NNT: variants seen among roughly 807,000 people sequenced by gnomAD.
NNT encodes the protein NAD(P) transhydrogenase, mitochondrial.
In NNT, 50 loss-of-function variants were observed where a neutral mutation model predicts 104.8. The ratio of observed to expected loss-of-function variants is 0.48; its 90% confidence interval spans 0.38 to 0.60. The LOEUF is 0.60. Ranked by LOEUF, NNT falls within the 20% of genes least tolerant of loss-of-function variation. NNT has a pLI of 0.00. For missense variants in NNT, 1,131 were observed against 1,330.7 expected, an observed-to-expected ratio of 0.85 and a Z score of 2.33; for synonymous variants, 461 against 490.4, an observed-to-expected ratio of 0.94 and a Z score of 0.79.
intron 2 of NNT, 26 bp from the exon 3 acceptor site, chr5:43,612,881 AT>A (rs765058789): frequency 4.2e-4 from 562 of 1,347,000 alleles, no homozygotes; most frequent in East Asian, 2.2e-3. Flanking sequence ...CCAAATATAT[AT>A]TTTTTTTGCC....
At position 43,705,813 on chromosome 5, in the gene NNT, A is replaced by G. The variant is rs1743078995; in HGVS notation, c.*1409A>G. 1 of 151,866 alleles carries G rather than the reference A, an allele frequency of 6.6e-6. No individual in the cohort carries two copies. Among genetic ancestry groups the G allele is most frequent in the Non-Finnish European group, 1.5e-5 (1 of 67,914 alleles). The allele number at this position is 151,866 out of a possible 1,614,324, so 9.4% of individuals were successfully genotyped here. A position where few individuals can be genotyped will look rare whatever the true frequency, so the allele number is the denominator to read the frequency against. The stretch of plus-strand genomic sequence containing the variant: ...TGTGCGTTTGTGTGTTAAAGCAGAA[A>G]AGACTTTTTTAAAAGTTTTAAGTGA... On this transcript the variant is annotated 3_prime_UTR_variant, in exon 22 of 22. Transcript: ENST00000344920.
chr5:43,697,063 A>G (rs1742594542), intron 19 of NNT, among the ~76,000 whole-genome samples: 1 of 152,218 alleles, frequency 6.6e-6, no homozygotes, highest in African/African-American at 2.4e-5. Flanking sequence ...ATTTCTCCTC[A>G]GAAAATGGGA....
At chr5:43,607,065 A>G (rs1405659137) in intron 1 of NNT, among the ~76,000 whole-genome samples, 9 of 151,228 alleles carry the variant, frequency 6.0e-5, no homozygotes, top group Admixed American at 4.6e-4. Flanking sequence ...GTGTAGTGGC[A>G]TGATCTCGGC....
rs1213402664 is a variant in NNT at position 43,700,249 on chromosome 5, G to A, written c.2995+12G>A. The A allele has an allele frequency of 3.2e-6, 5 of 1,577,660 alleles. No homozygotes were observed. The highest frequency in any genetic ancestry group is 4.4e-6 in the Non-Finnish European group (5 of 1,148,244). The stretch of plus-strand genomic sequence containing the variant: ...CCATGATTTTCCAGGTAAGTGGTGG[G>A]GGCAATTGTGAAGTTTAAATATTCT... On this transcript the variant is annotated intron_variant, in intron 20 of 21. Transcript: ENST00000344920.
chr5:43,609,358 C>T lies in NNT; in HGVS notation c.151+12C>T, dbSNP rs746531939. 4.3e-6 allele frequency: 7 copies of T among 1,611,992 alleles called. No individual in the cohort carries two copies. Among genetic ancestry groups the T allele is most frequent in the Non-Finnish European group, 5.9e-6 (7 of 1,178,970 alleles). On this transcript the variant is annotated intron_variant, in intron 2 of 21. Coordinates refer to ENST00000344920, the MANE Select transcript of NNT (RefSeq NM_182977.3). ...GCCTGTAAAACCAGGTAAAGTCTCA[C>T]TTCAGTGATTGTAAATGAAACCTTC...
intron 3 of NNT, among the ~76,000 whole-genome samples, chr5:43,614,747 A>G (rs1465708540): frequency 6.6e-6 from 1 of 152,262 alleles, no homozygotes; most frequent in Admixed American, 6.5e-5. Flanking sequence ...CTAACTAGGA[A>G]CTAATGAAAT....
chr5:43,664,483 A>G (rs1274900808), intron 17 of NNT, among the ~76,000 whole-genome samples: 1 of 152,188 alleles, frequency 6.6e-6, no homozygotes, highest in African/African-American at 2.4e-5. Flanking sequence ...AATGGTATAT[A>G]TGTTATTATT....
chr5:43,648,239 T>C (rs964784067), intron 10 of NNT: 2 of 1,044,604 alleles, frequency 1.9e-6, no homozygotes, highest in Non-Finnish European at 2.3e-6. Context: ...AAAATTAATG[T>C]CAATCCCTAG....
chr5:43,672,078 G>A (rs1280023081), intron 17 of NNT, among the ~76,000 whole-genome samples: 9 of 152,116 alleles, frequency 5.9e-5, no homozygotes, highest in African/African-American at 1.9e-4. Context: ...GATCGAATTG[G>A]CTACTGAAAC....
rs181937214 is a variant in NNT at position 43,680,007 on chromosome 5, T to G, written c.2876+2201T>G. On this transcript the variant is annotated intron_variant, in intron 19 of 21. Transcript: ENST00000344920. ...GGTAAAATATATTAATATATTGTAG[T>G]TTTTTTTTACTATAGTATGTTGAAT... 7.0e-3 allele frequency among the ~76,000 whole-genome samples: 1,064 copies of G among 151,232 alleles called. 7 individuals carry two copies. The highest frequency in any genetic ancestry group is 0.017 in the Middle Eastern group (5 of 288).
intron 17 of NNT, 75 bp from the exon 18 acceptor site, chr5:43,675,436 A>G (rs1741359043): frequency 7.9e-7 from 1 of 1,258,104 alleles, no homozygotes; most frequent in Non-Finnish European, 1.1e-6. Flanking sequence ...TCCAAATATC[A>G]TATACACAAC....
In NNT at chr5:43,619,065, TGGAC is replaced by T. The variant is rs1749933187; in HGVS notation, c.635_638del (p.Gly212ValfsTer19). The T allele has an allele frequency of 1.3e-6, 2 of 1,554,626 alleles. No homozygotes were observed. The highest frequency in any genetic ancestry group is 1.4e-5 in the African/African-American group (1 of 73,322). On this transcript the variant is annotated frameshift_variant, in exon 5 of 22. Coordinates refer to ENST00000344920, the MANE Select transcript of NNT (RefSeq NM_182977.3). LOFTEE classifies it high-confidence loss of function. Reference sequence around the variant, plus strand: ...CTGTTGTCCTAGCAGCAAATCATTTTGGACGTTTTTTTACTGGTCAGATCACAGC... The same window carrying T: ...CTGTTGTCCTAGCAGCAAATCATTTTGTTTTTTTACTGGTCAGATCACAGC...
chr5:43,651,471 G>A (rs943832501), intron 12 of NNT, among the ~76,000 whole-genome samples: 10 of 152,002 alleles, frequency 6.6e-5, no homozygotes, highest in African/African-American at 1.9e-4. Context: ...CCAGCCACTC[G>A]GGGGGCTGAG....
chr5:43,631,176 T>C (rs969000153), intron 7 of NNT, among the ~76,000 whole-genome samples: 1 of 152,042 alleles, frequency 6.6e-6, no homozygotes, highest in Admixed American at 6.6e-5. Flanking sequence ...GAGTCTGATA[T>C]GGGGGTTTCG....
chr5:43,651,940 AT>A, intron 13 of NNT, 56 bp downstream of exon 13: 1 of 1,549,842 alleles, frequency 6.5e-7, no homozygotes, highest in Non-Finnish European at 8.8e-7. Flanking sequence ...TCTCTATTAG[AT>A]TTAACATTGT....
At position 43,641,637 on chromosome 5, in the gene NNT, A is replaced by G. The variant is rs1211339834; in HGVS notation, c.965-2555A>G. ...TATAAATATATATCTAAACTGACAT[A>G]CTATTTTGTTATGTGCTTTTTACTT... On this transcript the variant is annotated intron_variant, in intron 7 of 21. Transcript: ENST00000344920. 4.6e-5 allele frequency among the ~76,000 whole-genome samples: 7 copies of G among 152,266 alleles called. No homozygotes were observed. The East Asian group carries it at 1.3e-3, about 29-fold the overall frequency.
intron 17 of NNT, among the ~76,000 whole-genome samples, chr5:43,674,034 A>G (rs1741274912): frequency 6.6e-6 from 1 of 151,976 alleles, no homozygotes; most frequent in South Asian, 2.1e-4. Flanking sequence ...AAAAAAAAAA[A>G]AGACATCACT....
At chr5:43,644,425 A>G in intron 8 of NNT, 100 bp downstream of exon 8, 2 of 1,452,884 alleles carry the variant, frequency 1.4e-6, no homozygotes, top group Non-Finnish European at 1.9e-6. Flanking sequence ...AAGGCTTGAA[A>G]TTTTAAAATT....
At chr5:43,604,480 C>G (rs1749100479) in intron 1 of NNT, among the ~76,000 whole-genome samples, 1 of 152,142 alleles carries the variant, frequency 6.6e-6, no homozygotes, top group Non-Finnish European at 1.5e-5. Flanking sequence ...ATTTCCTTTT[C>G]AAAGGAAATT....
Sources: gnomAD v4.1 joint callset for allele counts (sites outside exome capture counted in the v4.1 genomes callset) on GRCh38, gnomAD v4.1.1 for gene constraint, MANE v1.5 for transcripts, NCBI Gene and HGNC (gene_info 2026-07-23, HGNC 2026-07-21) for gene names.